SNX29: variants seen among roughly 807,000 people sequenced by gnomAD.
SNX29 encodes sorting nexin 29, also known as sorting nexin-29.
Under a neutral mutation model 102.1 loss-of-function variants are expected in SNX29, and 78 were observed. The observed-to-expected ratio is 0.76, with a 90% CI of 0.64 to 0.92. The LOEUF is 0.92. SNX29 is among the 40% of genes least tolerant of loss of function. The probability of loss-of-function intolerance (pLI) is 0.00; values close to 1 mark genes in which losing one functional copy is unlikely to be tolerated. For missense variants in SNX29, 1,280 were observed against 1,061.7 expected (o/e 1.21, Z -2.86); for synonymous variants, 580 against 414.5 (o/e 1.40, Z -4.85).
At chr16:12,261,492 G>A (rs369532996) in intron 14 of SNX29, among the ~76,000 whole-genome samples, 270 of 146,106 alleles carry the variant, frequency 1.8e-3, no homozygotes, top group Admixed American at 2.3e-3. Flanking sequence ...GCGCGCCCCC[G>A]GCTGGAGTGA....
chr16:12,352,634 G>T (rs1156533934), intron 15 of SNX29, among the ~76,000 whole-genome samples: 5 of 152,176 alleles, frequency 3.3e-5, no homozygotes, highest in Non-Finnish European at 7.3e-5. Context: ...TTTGCACCTC[G>T]TTAACTGATA....
chr16:12,199,547 G>A (rs1188436490), intron 13 of SNX29, 54 bp from the exon 14 acceptor site: 23 of 1,510,118 alleles, frequency 1.5e-5, no homozygotes, highest in Non-Finnish European at 2.0e-5. Flanking sequence ...CCTCCTGTGG[G>A]TCCACATTGT....
At position 12,572,656 on chromosome 16, in the gene SNX29, G is replaced by T; in HGVS notation, c.*4027G>T. Reference sequence around the variant, plus strand: ...CTTCATTCCTCCACCAAGCTCCTGTGTGAGCTGCAGCACCCACACGGGGGA... The same window carrying T: ...CTTCATTCCTCCACCAAGCTCCTGTTTGAGCTGCAGCACCCACACGGGGGA... On this transcript the variant is annotated 3_prime_UTR_variant, in exon 21 of 21. Transcript: ENST00000566228. The T allele has an allele frequency of 5.6e-6, 6 of 1,063,984 alleles. No individual in the cohort carries two copies. The highest frequency in any genetic ancestry group is 6.8e-6 in the Non-Finnish European group (6 of 878,482). 65.9% of individuals were successfully genotyped at this position (1,063,984 alleles called of 1,614,324 possible).
intron 15 of SNX29, among the ~76,000 whole-genome samples, chr16:12,344,093 C>T (rs2081699540): frequency 6.6e-6 from 1 of 152,186 alleles, no homozygotes. Flanking sequence ...CATTCACTCT[C>T]TTGTCTGCCG....
Position 12,230,001 on chromosome 16 carries a change from C to A in SNX29, c.1678+30318C>A, listed in dbSNP as rs144889218. On this transcript the variant is annotated intron_variant, in intron 14 of 20. Transcript: ENST00000566228. ...CAGATGGGTCTCTGTCACAACTGCT[C>A]AGCTCTGCTGTTGTAGCAGCCGCAG... Among the ~76,000 whole-genome samples the A allele has an allele frequency of 1.8e-4, 27 of 152,342 alleles. No homozygotes were observed. In the East Asian group the frequency reaches 5.2e-3, roughly 29 times the overall value.
chr16:12,492,215 C>G (rs960040673), intron 19 of SNX29, among the ~76,000 whole-genome samples: 1 of 152,156 alleles, frequency 6.6e-6, no homozygotes, highest in African/African-American at 2.4e-5. Context: ...TTTTAATGAT[C>G]GCCATTCTAA....
In SNX29 at chr16:12,570,655, C is replaced by G. The variant is rs945038372; in HGVS notation, c.*2026C>G. ...GAACCTCCCCCATCTGTGACATTCCCTTGGGCCCAGGCTTATGACCTGCAC... is the reference window on the plus strand; with the variant it reads ...GAACCTCCCCCATCTGTGACATTCCGTTGGGCCCAGGCTTATGACCTGCAC... On this transcript the variant is annotated 3_prime_UTR_variant, in exon 21 of 21. Coordinates refer to ENST00000566228, the MANE Select transcript of SNX29 (RefSeq NM_032167.5). 1 of 231,948 alleles carries G rather than the reference C, an allele frequency of 4.3e-6. No homozygotes were observed. Among genetic ancestry groups the G allele is most frequent in the Non-Finnish European group, 8.5e-6 (1 of 117,350 alleles). 14.4% of individuals were successfully genotyped at this position (231,948 alleles called of 1,614,324 possible).
intron 15 of SNX29, among the ~76,000 whole-genome samples, chr16:12,282,674 A>T (rs1362063561): frequency 6.6e-6 from 1 of 152,058 alleles, no homozygotes; most frequent in Non-Finnish European, 1.5e-5. Context: ...TTGTTTTTTG[A>T]GATGGAGTTT....
chr16:12,141,539 G>A (rs1484882076), intron 13 of SNX29, among the ~76,000 whole-genome samples: 1 of 152,238 alleles, frequency 6.6e-6, no homozygotes, highest in African/African-American at 2.4e-5. Context: ...AGTACTTATG[G>A]TTATTTCTTG....
At chr16:12,114,412 G>A (rs754980926) in intron 11 of SNX29, among the ~76,000 whole-genome samples, 1 of 152,148 alleles carries the variant, frequency 6.6e-6, no homozygotes, top group Non-Finnish European at 1.5e-5. Context: ...TCTCTAAAAT[G>A]ACATGATGGT....
intron 13 of SNX29, among the ~76,000 whole-genome samples, chr16:12,155,121 C>T (rs890213036): frequency 1.5e-4 from 23 of 152,150 alleles, no homozygotes; most frequent in African/African-American, 5.6e-4. Context: ...TCTTGCTTGT[C>T]CTGCCCCCGT....
chr16:12,500,427 A>G (rs2089059101), intron 19 of SNX29, among the ~76,000 whole-genome samples: 2 of 152,178 alleles, frequency 1.3e-5, no homozygotes, highest in Non-Finnish European at 2.9e-5. Flanking sequence ...TCAGAAAGCC[A>G]GGGCTGGGAC....
chr16:12,525,007 C>T (rs1176750095), intron 20 of SNX29, among the ~76,000 whole-genome samples, 166 bp downstream of exon 20: 2 of 152,162 alleles, frequency 1.3e-5, no homozygotes, highest in Non-Finnish European at 2.9e-5. Context: ...GGTTGGGTCT[C>T]AGCGCTTTGG....
chr16:12,543,687 C>T (rs1009624866), intron 20 of SNX29, among the ~76,000 whole-genome samples: 13 of 152,310 alleles, frequency 8.5e-5, no homozygotes, highest in African/African-American at 1.9e-4. Context: ...ACAAGCCAGT[C>T]GTATCAGAAA....
At chr16:12,553,771 A>G (rs566674673) in intron 20 of SNX29, among the ~76,000 whole-genome samples, 4 of 152,034 alleles carry the variant, frequency 2.6e-5, no homozygotes, top group African/African-American at 9.6e-5. Flanking sequence ...TTCCTTAAGT[A>G]CAGACAGGGT....
intron 1 of SNX29, among the ~76,000 whole-genome samples, chr16:11,995,644 CT>C (rs923277724): frequency 1.5e-5 from 2 of 133,040 alleles, no homozygotes; most frequent in African/African-American, 6.0e-5. Flanking sequence ...GCAAAATACT[CT>C]TAAAAAAAAA....
intron 11 of SNX29, among the ~76,000 whole-genome samples, chr16:12,103,530 C>T (rs926334100): frequency 2.0e-4 from 30 of 152,198 alleles, no homozygotes; most frequent in Non-Finnish European, 4.1e-4. Flanking sequence ...ACACCTTATA[C>T]AAAAATTAAC....
chr16:12,031,323 C>T (rs1596642063), intron 4 of SNX29, among the ~76,000 whole-genome samples: 1 of 152,042 alleles, frequency 6.6e-6, no homozygotes, highest in African/African-American at 2.4e-5. Flanking sequence ...CCACCTGCCT[C>T]AGCCTCCCAA....
chr16:12,001,558 T>C (rs2056288350), intron 2 of SNX29, among the ~76,000 whole-genome samples: 1 of 152,176 alleles, frequency 6.6e-6, no homozygotes, highest in African/African-American at 2.4e-5. Flanking sequence ...GTGTACAGTT[T>C]CATGTGTTTT....
Sources: gnomAD v4.1 joint callset for allele counts (sites outside exome capture counted in the v4.1 genomes callset) on GRCh38, gnomAD v4.1.1 for gene constraint, MANE v1.5 for transcripts, NCBI Gene and HGNC (gene_info 2026-07-23, HGNC 2026-07-21) for gene names.